FNBP4: variants seen among roughly 807,000 people sequenced by gnomAD.
The protein encoded by FNBP4 is formin-binding protein 4.
In FNBP4, 34 loss-of-function variants were observed where a neutral mutation model predicts 119.3. That is an observed-to-expected ratio of 0.28 (90% CI 0.22 to 0.38). The LOEUF is 0.38. Ranked by LOEUF, FNBP4 falls within the 10% of genes least tolerant of loss-of-function variation. FNBP4 has a pLI of 1.00. For missense variants in FNBP4, 1,112 were observed against 1,228.9 expected, an observed-to-expected ratio of 0.90 and a Z score of 1.42; for synonymous variants, 462 against 430.6, an observed-to-expected ratio of 1.07 and a Z score of -0.90.
At chr11:47,762,369 C>T (rs2097637396) in intron 2 of FNBP4, among the ~76,000 whole-genome samples, 1 of 152,016 alleles carries the variant, frequency 6.6e-6, no homozygotes, top group Admixed American at 6.6e-5. Flanking sequence ...CCTTGTCATC[C>T]GCCCGCCTTG....
chr11:47,732,268 C>T lies in FNBP4; in HGVS notation c.1820+269G>A. On this transcript the variant is annotated intron_variant, in intron 11 of 16. Transcript: ENST00000263773. The surrounding 1 kb of genome is among the most constrained non-coding windows in gnomAD (Gnocchi z 4.2). ...CATGCGCTTAACCCCCAAGCCCGCC[C>T]TACTCCGTGCAACACTCTGGAGAGT... 1 of 1,281,304 alleles carries T rather than the reference C, an allele frequency of 7.8e-7. No homozygotes were observed. The allele number at this position is 1,281,304 out of a possible 1,614,324, so 79.4% of individuals were successfully genotyped here. A position where few individuals can be genotyped will look rare whatever the true frequency, so the allele number is the denominator to read the frequency against.
chr11:47,740,318 G>A (rs1475299240), intron 8 of FNBP4, among the ~76,000 whole-genome samples: 2 of 151,640 alleles, frequency 1.3e-5, no homozygotes, highest in Non-Finnish European at 2.9e-5. Flanking sequence ...GGGAGGCTGA[G>A]ATAGAACTGC....
At chr11:47,748,300 T>A (rs2097594956) in intron 6 of FNBP4, among the ~76,000 whole-genome samples, 1 of 151,556 alleles carries the variant, frequency 6.6e-6, no homozygotes, top group South Asian at 2.1e-4. Flanking sequence ...TAAAATGAAC[T>A]ATTCCTGAAA....
rs1175884376 is a variant in FNBP4 at position 47,731,453 on chromosome 11, A to G, written c.1929T>C (p.Asp643=). Reference sequence around the variant, plus strand: ...TCAAGGTCTGTTTGGCAAGAGTCTCATCTCTATTTTCTTGTGCTTGGCTTT... The same window carrying G: ...TCAAGGTCTGTTTGGCAAGAGTCTCGTCTCTATTTTCTTGTGCTTGGCTTT... ...EEESQAQENR[D]ETLAKQTLKD... is the part of the protein sequence containing the mutation. Residue 643 remains aspartate (D), a synonymous_variant, in exon 12 of 17, where the codon GAT becomes GAC. Coordinates refer to ENST00000263773, the MANE Select transcript of FNBP4 (RefSeq NM_015308.5). 4 of 1,613,924 alleles carry G rather than the reference A, an allele frequency of 2.5e-6. No individual in the cohort carries two copies. The highest frequency in any genetic ancestry group is 3.4e-6 in the Non-Finnish European group (4 of 1,179,970).
At chr11:47,752,513 G>GA (rs1321041954) in intron 4 of FNBP4, among the ~76,000 whole-genome samples, 1 of 151,552 alleles carries the variant, frequency 6.6e-6, no homozygotes, top group Non-Finnish European at 1.5e-5. Flanking sequence ...TTCATCTTTA[G>GA]AAAACTGAAT....
At chr11:47,730,057 A>C in intron 12 of FNBP4, 1 of 985,426 alleles carries the variant, frequency 1.0e-6, no homozygotes, top group Non-Finnish European at 1.2e-6. Context: ...ATACTCATCT[A>C]AAGTGTTCAC....
intron 8 of FNBP4, among the ~76,000 whole-genome samples, chr11:47,738,389 C>G (rs1289749989): frequency 6.6e-6 from 1 of 151,878 alleles, no homozygotes; most frequent in Non-Finnish European, 1.5e-5. Context: ...CACGGTGAAA[C>G]CCTGCCTCTA....
intron 8 of FNBP4, among the ~76,000 whole-genome samples, chr11:47,737,384 TA>T (rs1361136261): frequency 6.6e-6 from 1 of 152,120 alleles, no homozygotes; most frequent in Non-Finnish European, 1.5e-5. Flanking sequence ...CAAACCTGAG[TA>T]TGTAAGAATT....
intron 12 of FNBP4, chr11:47,729,507 C>T: frequency 2.0e-6 from 2 of 985,254 alleles, no homozygotes; most frequent in Non-Finnish European, 2.4e-6. Context: ...TTTTGCACCC[C>T]TTCCCCCACT....
At chr11:47,748,039 G>A (rs981070078) in intron 6 of FNBP4, among the ~76,000 whole-genome samples, 2 of 151,772 alleles carry the variant, frequency 1.3e-5, no homozygotes, top group Non-Finnish European at 2.9e-5. Context: ...TCAGGAGTTC[G>A]AGATCAGCCT....
At position 47,755,003 on chromosome 11, in the gene FNBP4, C is replaced by T. The variant is rs1244654986; in HGVS notation, c.314-339G>A. On this transcript the variant is annotated intron_variant, in intron 2 of 16. Transcript: ENST00000263773. ...TTAAAAATACAAAAAATTAGCCAGG[C>T]CTGGTAGCACGTGCCTGTAGTCCCA... 3.3e-5 allele frequency among the ~76,000 whole-genome samples: 5 copies of T among 151,616 alleles called. No individual in the cohort carries two copies. In the South Asian group the frequency reaches 6.3e-4, roughly 19 times the overall value.
intron 11 of FNBP4, 37 bp from the exon 12 acceptor site, chr11:47,731,598 C>A: frequency 1.9e-6 from 3 of 1,573,508 alleles, no homozygotes; most frequent in East Asian, 2.3e-5. Context: ...TTTTAAAACC[C>A]GTTCTCCTAC....
intron 16 of FNBP4, among the ~76,000 whole-genome samples, chr11:47,718,062 T>G (rs2097551564): frequency 6.6e-6 from 1 of 150,788 alleles, no homozygotes; most frequent in Admixed American, 6.6e-5. Flanking sequence ...GCCTTATTTA[T>G]TTTATATAAA....
chr11:47,764,326 C>A (rs943460667), intron 2 of FNBP4, among the ~76,000 whole-genome samples: 1 of 152,184 alleles, frequency 6.6e-6, no homozygotes, highest in South Asian at 2.1e-4. Flanking sequence ...AGGTGATCCG[C>A]CTGCCTCAGA....
rs991030928 is a variant in FNBP4, at chr11:47,738,721, C to T, written c.1457-1981G>A. Among the ~76,000 whole-genome samples, 5 of 151,830 alleles carry T rather than the reference C, an allele frequency of 3.3e-5. No homozygotes were observed. The South Asian group carries it at 6.2e-4, about 19-fold the overall frequency. On this transcript the variant is annotated intron_variant, in intron 8 of 16. Transcript: ENST00000263773. ...TTTTTTTGAGATGGAATCTTTGTCG[C>T]CCAGGCTGGAGAACAGTGGAGCTAT...
Position 47,751,229 on chromosome 11 carries a change from A to G in FNBP4, c.699T>C (p.Tyr233=), listed in dbSNP as rs1437306770. Residue 233 remains tyrosine (Y), a synonymous_variant, in exon 5 of 17, where the codon TAT becomes TAC. Coordinates refer to ENST00000263773, the MANE Select transcript of FNBP4 (RefSeq NM_015308.5). The part of the protein sequence containing the change: ...VWDENTGCYY[Y]WNTQTNEVTW... ...TCACTTCATTTGTTTGTGTATTCCA[A>G]TAATAATAACATCCCGTGTTCTCAT... 3 of 1,614,004 alleles carry G rather than the reference A, an allele frequency of 1.9e-6. No individual in the cohort carries two copies. Among genetic ancestry groups the G allele is most frequent in the South Asian group, 1.1e-5 (1 of 91,086 alleles).
chr11:47,730,009 T>C, intron 12 of FNBP4: 6 of 985,434 alleles, frequency 6.1e-6, no homozygotes, highest in Non-Finnish European at 7.2e-6. Context: ...TACCAGACAG[T>C]ATCAACTATG....
At position 47,732,338 on chromosome 11, in the gene FNBP4, GA is replaced by G. The variant is rs1010584814; in HGVS notation, c.1820+198del. ...ATCTTGGGAAAAAATCCGTTACATGGAACACTTTAAACATTGCTTTTGTTTC... is the reference window on the plus strand; with the variant it reads ...ATCTTGGGAAAAAATCCGTTACATGGACACTTTAAACATTGCTTTTGTTTC... On this transcript the variant is annotated intron_variant, in intron 11 of 16. Coordinates refer to ENST00000263773, the MANE Select transcript of FNBP4 (RefSeq NM_015308.5). The surrounding 1 kb of genome is among the most constrained non-coding windows in gnomAD (Gnocchi z 4.2). The G allele has an allele frequency of 5.5e-6, 8 of 1,463,582 alleles. No individual in the cohort carries two copies. In the African/African-American group the frequency reaches 1.1e-4, roughly 21 times the overall value. The allele number at this position is 1,463,582 out of a possible 1,614,324, so 90.7% of individuals were successfully genotyped here.
At chr11:47,729,644 G>T in intron 12 of FNBP4, 4 of 956,898 alleles carry the variant, frequency 4.2e-6, no homozygotes, top group Non-Finnish European at 5.0e-6. Flanking sequence ...CAAACAGCTC[G>T]GACTACAGGC....
Sources: gnomAD v4.1 joint callset for allele counts (sites outside exome capture counted in the v4.1 genomes callset) on GRCh38, gnomAD v4.1.1 for gene constraint, Gnocchi (gnomAD v3.1) non-coding constraint, MANE v1.5 for transcripts, NCBI Gene and HGNC (gene_info 2026-07-23, HGNC 2026-07-21) for gene names.